ALG1: variants seen among roughly 807,000 people sequenced by gnomAD.
The protein encoded by ALG1 is ALG1 chitobiosyldiphosphodolichol beta-mannosyltransferase.
A neutral mutation model predicts 55.1 loss-of-function variants in ALG1; 58 were observed. The ratio of observed to expected loss-of-function variants is 1.05; its 90% CI spans 0.85 to 1.31. The LOEUF (loss-of-function observed/expected upper bound fraction) is 1.31, where lower values mean the gene tolerates loss of function less well. ALG1 is among the 50% of genes most tolerant of loss of function. ALG1 has a pLI of 0.00. For missense variants in ALG1, 761 were observed against 598.6 expected (o/e 1.27, Z -2.83); for synonymous variants, 309 against 247.0 (o/e 1.25, Z -2.35).
chr16:5,086,936 C>G lies in ALG1; in HGVS notation c.*2055C>G, dbSNP rs962039953. On this transcript the variant is annotated 3_prime_UTR_variant, in exon 13 of 13. Transcript: ENST00000262374. Reference sequence around the variant, plus strand: ...CACCTCAGCCTCCCAAAGCCTCAGCCTCTTACAGTGTTGGGATTACAGGCG... The same window carrying G: ...CACCTCAGCCTCCCAAAGCCTCAGCGTCTTACAGTGTTGGGATTACAGGCG... 2 of 152,204 alleles carry G rather than the reference C, an allele frequency of 1.3e-5. No homozygotes were observed. The highest frequency in any genetic ancestry group is 2.4e-5 in the African/African-American group (1 of 41,444). 9.4% of individuals were successfully genotyped at this position (152,204 alleles called of 1,614,324 possible).
chr16:5,085,012 G>T lies in ALG1; in HGVS notation c.*131G>T. 1 of 1,502,064 alleles carries T rather than the reference G, an allele frequency of 6.7e-7. No individual in the cohort carries two copies. Among genetic ancestry groups the T allele is most frequent in the Non-Finnish European group, 9.1e-7 (1 of 1,100,348 alleles). 93.0% of individuals were successfully genotyped at this position (1,502,064 alleles called of 1,614,324 possible). On this transcript the variant is annotated 3_prime_UTR_variant, in exon 13 of 13. Coordinates refer to ENST00000262374, the MANE Select transcript of ALG1 (RefSeq NM_019109.5). ...AAGCTGAAATGACAGCAGTGGTACT[G>T]CCTGGTAAAAGAATTGGTTCTGTGA... is the stretch of plus-strand genomic sequence containing the variant.
chr16:5,077,932 G>A lies in ALG1; in HGVS notation c.655G>A (p.Ala219Thr), dbSNP rs748038529. The A allele has an allele frequency of 1.2e-5, 19 of 1,607,686 alleles. No homozygotes were observed. Among genetic ancestry groups the A allele is most frequent in the East Asian group, 2.2e-5 (1 of 44,884 alleles). The change falls in exon 6 of 13, where the codon GCA becomes ACA. Residue 219 changes from alanine (A) to threonine (T), a missense_variant. Coordinates refer to ENST00000262374, the MANE Select transcript of ALG1 (RefSeq NM_019109.5). ...IRAVTVYDKP[A>T]SFFKETPLDL... ...GGCTGTGACCGTCTACGACAAGCCCGCATCTTTCTTTAAAGAGACACCTCT... is the reference window on the plus strand; with the variant it reads ...GGCTGTGACCGTCTACGACAAGCCCACATCTTTCTTTAAAGAGACACCTCT...
chr16:5,073,282 T>C, intron 3 of ALG1, 26 bp downstream of exon 3: 4 of 1,594,590 alleles, frequency 2.5e-6, no homozygotes, highest in Non-Finnish European at 3.4e-6. Context: ...TGCCTCCCTC[T>C]GTGAGAGCCA....
chr16:5,080,493 G>T (rs1016791006), intron 9 of ALG1, among the ~76,000 whole-genome samples: 1 of 152,254 alleles, frequency 6.6e-6, no homozygotes, highest in African/African-American at 2.4e-5. Flanking sequence ...GGTGTGGGAA[G>T]AGGCCGGGTC....
chr16:5,086,293 C>T lies in ALG1; in HGVS notation c.*1412C>T, dbSNP rs111263245. Among the ~76,000 whole-genome samples, 15,024 of 146,974 alleles carry T rather than the reference C, an allele frequency of 0.1. 799 individuals carry two copies. The highest frequency in any genetic ancestry group is 0.14 in the Admixed American group (2,120 of 14,698). On this transcript the variant is annotated 3_prime_UTR_variant, in exon 13 of 13. Transcript: ENST00000262374. ...GAGGTTGCAGTGAGCTGAGATTGTG[C>T]CACTGCACTCCAGCCTGAGTGACAG...
chr16:5,082,116 AT>A (rs1444617306), intron 10 of ALG1, among the ~76,000 whole-genome samples: 1 of 145,454 alleles, frequency 6.9e-6, no homozygotes, highest in African/African-American at 2.6e-5. Context: ...CTAATTTTGT[AT>A]TTTTTTTAGT....
chr16:5,076,640 C>T (rs777893572), intron 4 of ALG1, among the ~76,000 whole-genome samples: 6 of 152,274 alleles, frequency 3.9e-5, no homozygotes, highest in Admixed American at 6.5e-5. Context: ...CTCTACCCTG[C>T]GATCAGGGCT....
intron 4 of ALG1, among the ~76,000 whole-genome samples, 155 bp from the exon 5 acceptor site, chr16:5,077,290 A>G (rs1011423469): frequency 6.6e-6 from 1 of 152,156 alleles, no homozygotes; most frequent in African/African-American, 2.4e-5. Context: ...GAGGGTATAT[A>G]CAGCATAAAG....
In ALG1 at chr16:5,075,520, G is replaced by A. The variant is rs762783729; in HGVS notation, c.523G>A (p.Val175Ile). Residue 175 changes from valine to isoleucine, a missense_variant, in exon 4 of 13, where the codon GTT becomes ATT. Physicochemically the swap from Val to Ile is conservative, Grantham distance 29 (BLOSUM62 3). Transcript: ENST00000262374. ...GLVHGPNHPL[V>I]LLAKWYEKFF... Reference sequence around the variant, plus strand: ...GGTGCATGGCCCCAACCATCCCCTCGTTCTGCTGGCCAAGTGGTGAGAGTC... The same window carrying A: ...GGTGCATGGCCCCAACCATCCCCTCATTCTGCTGGCCAAGTGGTGAGAGTC... 9 of 1,613,918 alleles carry A rather than the reference G, an allele frequency of 5.6e-6. No individual in the cohort carries two copies. Among genetic ancestry groups the A allele is most frequent in the Middle Eastern group, 3.3e-4 (2 of 6,084 alleles).
chr16:5,072,192 G>GC, intron 1 of ALG1, 135 bp downstream of exon 1: 6 of 1,538,788 alleles, frequency 3.9e-6, no homozygotes, highest in Non-Finnish European at 5.2e-6. Flanking sequence ...TAGACGAGCG[G>GC]TTCTGCCCCA....
chr16:5,075,671 G>C, intron 4 of ALG1, 135 bp downstream of exon 4: 1 of 1,105,134 alleles, frequency 9.0e-7, no homozygotes, highest in South Asian at 1.3e-5. Context: ...TGGTGAATCA[G>C]GCCGAATGCT....
chr16:5,083,870 G>A (rs767363006), intron 12 of ALG1, 113 bp downstream of exon 12: 17 of 1,498,182 alleles, frequency 1.1e-5, no homozygotes, highest in East Asian at 4.6e-5. Context: ...GGGGTCTGGC[G>A]GAAAAGCTAG....
Position 5,087,170 on chromosome 16 carries a change from G to C in ALG1, c.*2289G>C, listed in dbSNP as rs1316981280. The C allele has an allele frequency of 6.6e-6, 1 of 152,078 alleles. No homozygotes were observed. Among genetic ancestry groups the C allele is most frequent in the Admixed American group, 6.6e-5 (1 of 15,262 alleles). 9.4% of individuals were successfully genotyped at this position (152,078 alleles called of 1,614,324 possible). A position where few individuals can be genotyped will look rare whatever the true frequency, so the allele number is the denominator to read the frequency against. ...ACACTGGAAGAAGAAGAATCGCCTTGGGCCACGCATAAAATACACTAACAC... is the reference window on the plus strand; with the variant it reads ...ACACTGGAAGAAGAAGAATCGCCTTCGGCCACGCATAAAATACACTAACAC... On this transcript the variant is annotated 3_prime_UTR_variant, in exon 13 of 13. Coordinates refer to ENST00000262374, the MANE Select transcript of ALG1 (RefSeq NM_019109.5).
chr16:5,080,384 C>T (rs1188195870), intron 9 of ALG1, among the ~76,000 whole-genome samples: 1 of 152,142 alleles, frequency 6.6e-6, no homozygotes, highest in Non-Finnish European at 1.5e-5. Flanking sequence ...GTGCCTTAAC[C>T]AAGCCTCTTA....
rs1246560305 is a variant in ALG1, at chr16:5,084,753, C to G, written c.1267C>G (p.Leu423Val). The G allele has an allele frequency of 2.2e-5, 35 of 1,595,616 alleles. No homozygotes were observed. Among genetic ancestry groups the G allele is most frequent in the Non-Finnish European group, 2.9e-5 (34 of 1,179,668 alleles). Residue 423 changes from leucine to valine, a missense_variant, in exon 13 of 13, where the codon CTT (leucine) becomes GTT (valine). Transcript: ENST00000262374. Reference protein sequence around the residue: ...SEELAAQLQMLFSNFPDPAGK... With the variant: ...SEELAAQLQMVFSNFPDPAGK... ...TCTGCTCTTTATTTTTTTGCAGATGCTTTTCTCAAACTTTCCTGATCCTGC... is the reference window on the plus strand; with the variant it reads ...TCTGCTCTTTATTTTTTTGCAGATGGTTTTCTCAAACTTTCCTGATCCTGC...
At position 5,081,043 on chromosome 16, in the gene ALG1, C is replaced by A; in HGVS notation, c.1059C>A (p.Tyr353Ter). ...VCTPWLEAED[Y>*]PLLLGSADLG... ...CCCCCTGGCTGGAGGCCGAGGACTA[C>A]CCCCTGCTTCTAGGTGAGAGGCCAG... Residue 353 changes from tyrosine (Y) to a stop codon, truncating the protein, a stop_gained, in exon 10 of 13, where the codon TAC becomes TAA. Coordinates refer to ENST00000262374, the MANE Select transcript of ALG1 (RefSeq NM_019109.5). LOFTEE classifies it high-confidence loss of function. 2 of 1,596,320 alleles carry A rather than the reference C, an allele frequency of 1.3e-6. No individual in the cohort carries two copies. Among genetic ancestry groups the A allele is most frequent in the East Asian group, 2.2e-5 (1 of 44,868 alleles).
Position 5,072,062 on chromosome 16 carries a change from G to C in ALG1, c.208+5G>C. 1 of 1,534,898 alleles carries C rather than the reference G, an allele frequency of 6.5e-7. No individual in the cohort carries two copies. The highest frequency in any genetic ancestry group is 8.8e-7 in the Non-Finnish European group (1 of 1,142,220). On this transcript the variant is annotated splice_donor_5th_base_variant and intron_variant, in intron 1 of 12. Coordinates refer to ENST00000262374, the MANE Select transcript of ALG1 (RefSeq NM_019109.5). ...TGACCCTCCTGGGGTTCTGCAGTGAGTGGCCAAGGGTCTGGGAGGGACGAT... is the reference window on the plus strand; with the variant it reads ...TGACCCTCCTGGGGTTCTGCAGTGACTGGCCAAGGGTCTGGGAGGGACGAT...
Position 5,079,080 on chromosome 16 carries a change from C to T in ALG1, c.879C>T (p.Ser293=), listed in dbSNP as rs759422818. 3.1e-6 allele frequency: 5 copies of T among 1,598,644 alleles called. No individual in the cohort carries two copies. The South Asian group carries it at 3.3e-5, about 11-fold the overall frequency. Residue 293 remains serine, a synonymous_variant, in exon 8 of 13, where the codon TCC becomes TCT. Coordinates refer to ENST00000262374, the MANE Select transcript of ALG1 (RefSeq NM_019109.5). ...STSWTEDEDF[S]ILLAALEKFE... ...TTCTCATAGAGGACGAAGACTTCTC[C>T]ATCCTGCTGGCAGCTTTAGAAAGTA...
chr16:5,078,414 C>A (rs1956954339), intron 6 of ALG1: 1 of 596,650 alleles, frequency 1.7e-6, no homozygotes, highest in Non-Finnish European at 3.1e-6. Context: ...AGGAGGGGAC[C>A]TTTGTGCAGG....
Sources: allele counts gnomAD v4.1 joint callset (sites outside exome capture counted in the v4.1 genomes callset), GRCh38; gene constraint gnomAD v4.1.1; transcripts MANE v1.5; gene names NCBI Gene and HGNC (gene_info 2026-07-23, HGNC 2026-07-21).